HMCN2: variants seen among roughly 807,000 people sequenced by gnomAD.
HMCN2 encodes the protein hemicentin 2, also known as hemicentin-2.
A neutral mutation model predicts 377.5 loss-of-function variants in HMCN2; 325 were observed. The ratio of observed to expected loss-of-function variants is 0.86; its 90% CI spans 0.79 to 0.94. The LOEUF is 0.94. HMCN2 is among the 40% of genes least tolerant of loss of function. The pLI, the probability that HMCN2 is intolerant of heterozygous loss-of-function variation, is 0.00. For synonymous variants in HMCN2, 2,007 were observed against 2,046.8 expected, an observed-to-expected ratio of 0.98 and a Z score of 0.53; for missense variants, 4,543 against 4,725.3, an observed-to-expected ratio of 0.96 and a Z score of 1.13.
chr9:130,377,388 C>T (rs1204400168), intron 52 of HMCN2, among the ~76,000 whole-genome samples: 1 of 152,330 alleles, frequency 6.6e-6, no homozygotes, highest in Middle Eastern at 3.4e-3. Flanking sequence ...TCCGGGATTA[C>T]AGGCCTGGCC....
rs905122847 is a variant in HMCN2 at position 130,361,604 on chromosome 9, C to T, written c.5951-404C>T. 3.3e-5 allele frequency among the ~76,000 whole-genome samples: 5 copies of T among 152,192 alleles called. No homozygotes were observed. The highest frequency in any genetic ancestry group is 1.2e-4 in the African/African-American group (5 of 41,430). On this transcript the variant is annotated intron_variant, in intron 38 of 97. Coordinates refer to ENST00000683500, the MANE Select transcript of HMCN2 (RefSeq NM_001291815.2). The surrounding 1 kb of genome is among the most constrained non-coding windows in gnomAD (Gnocchi z 4.8). ...TACAATGGAATCTTCTGGCTATTTT[C>T]TGCCAAAAGGGGACTGCCTGTAATA...
At chr9:130,332,174 T>G (rs1192043263) in intron 22 of HMCN2, among the ~76,000 whole-genome samples, 1 of 152,228 alleles carries the variant, frequency 6.6e-6, no homozygotes, top group East Asian at 1.9e-4. Context: ...AAAGCCCTTG[T>G]TGGTTTCTGG....
intron 24 of HMCN2, among the ~76,000 whole-genome samples, 190 bp from the exon 25 acceptor site, chr9:130,342,160 C>G (rs1179979951): frequency 6.6e-6 from 1 of 152,186 alleles, no homozygotes; most frequent in Non-Finnish European, 1.5e-5. Context: ...GCCCTGGTGG[C>G]TGCACCATGG....
Position 130,397,671 on chromosome 9 carries a change from A to G in HMCN2, c.11326+16A>G. On this transcript the variant is annotated intron_variant, in intron 74 of 97. Transcript: ENST00000683500. Reference sequence around the variant, plus strand: ...CGGGTCTTGGGTAGGTGGCCTGGGGAAGGCCTTCAGTGTCCAGTCCCTGTC... The same window carrying G: ...CGGGTCTTGGGTAGGTGGCCTGGGGGAGGCCTTCAGTGTCCAGTCCCTGTC... 7.8e-7 allele frequency: 1 copy of G among 1,289,546 alleles called. No homozygotes were observed. Among genetic ancestry groups the G allele is most frequent in the Non-Finnish European group, 1.0e-6 (1 of 988,766 alleles). The allele number at this position is 1,289,546 out of a possible 1,614,324, so 79.9% of individuals were successfully genotyped here. A position where few individuals can be genotyped will look rare whatever the true frequency, so the allele number is the denominator to read the frequency against.
chr9:130,427,064 T>C (rs1409015869), intron 90 of HMCN2, among the ~76,000 whole-genome samples: 1 of 152,238 alleles, frequency 6.6e-6, no homozygotes. Context: ...ATGGTTTTCC[T>C]GGGGCTGCCT....
intron 92 of HMCN2, 42 bp downstream of exon 92, chr9:130,427,661 G>T: frequency 6.5e-7 from 1 of 1,530,680 alleles, no homozygotes; most frequent in Non-Finnish European, 8.8e-7. Context: ...GCGCTCCTCA[G>T]ACCTGACCCA....
intron 1 of HMCN2, among the ~76,000 whole-genome samples, chr9:130,267,142 C>G (rs1834150470): frequency 6.6e-6 from 1 of 151,862 alleles, no homozygotes; most frequent in Non-Finnish European, 1.5e-5. Flanking sequence ...CATGGAGTCT[C>G]TCTGTATTGC....
chr9:130,429,870 G>A (rs566423576), intron 94 of HMCN2, 185 bp downstream of exon 94: 11 of 1,181,092 alleles, frequency 9.3e-6, no homozygotes, highest in Middle Eastern at 2.9e-4. Flanking sequence ...AACAGCAGCC[G>A]ACACTTTGCA....
chr9:130,393,804 G>T lies in HMCN2; in HGVS notation c.10297G>T (p.Val3433Leu). The change falls in exon 68 of 98, where the codon GTG (valine) becomes TTG (leucine). Residue 3433 changes from valine to leucine, a missense_variant. Transcript: ENST00000683500. The surrounding 1 kb of genome is among the most constrained non-coding windows in gnomAD (Gnocchi z 5.2). ...NDVVVVRGSL[V>L]ELPCEARGVP... ...CGTGGTGGTGGTTCGTGGCTCCCTGGTGGAACTCCCGTGCGAGGCCCGGGG... is the reference window on the plus strand; with the variant it reads ...CGTGGTGGTGGTTCGTGGCTCCCTGTTGGAACTCCCGTGCGAGGCCCGGGG... 1 of 1,286,940 alleles carries T rather than the reference G, an allele frequency of 7.8e-7. No individual in the cohort carries two copies. The highest frequency in any genetic ancestry group is 1.0e-6 in the Non-Finnish European group (1 of 987,532). 79.7% of individuals were successfully genotyped at this position (1,286,940 alleles called of 1,614,324 possible).
chr9:130,370,185 G>A (rs1840939515), intron 45 of HMCN2, among the ~76,000 whole-genome samples: 1 of 152,114 alleles, frequency 6.6e-6, no homozygotes, highest in Non-Finnish European at 1.5e-5. Context: ...AGAATTCAGG[G>A]GCTTGTGAGA....
chr9:130,284,781 C>T (rs1835329749), intron 2 of HMCN2, 108 bp downstream of exon 2: 1 of 443,794 alleles, frequency 2.3e-6, no homozygotes. Context: ...TCCACCTCTC[C>T]CTCCTCCTGG....
intron 8 of HMCN2, 98 bp downstream of exon 8, chr9:130,299,386 A>G: frequency 5.5e-6 from 2 of 364,714 alleles, no homozygotes; most frequent in South Asian, 4.2e-5. Flanking sequence ...AAATTAGATT[A>G]GAAAGTGTTT....
At chr9:130,342,620 G>T (rs1839119372) in intron 25 of HMCN2, among the ~76,000 whole-genome samples, 184 bp downstream of exon 25, 2 of 152,278 alleles carry the variant, frequency 1.3e-5, no homozygotes, top group East Asian at 3.9e-4. Context: ...TGCCCCTTTT[G>T]ATTAGGGGCA....
In HMCN2 at chr9:130,303,428, G is replaced by A. The variant is rs1318996064; in HGVS notation, c.1422-59G>A. ...GCAGGATTCAGGGGACTGAAGTCGG[G>A]GGGGACCCTGAGTGGGGGTCAGTGT... On this transcript the variant is annotated intron_variant, in intron 9 of 97. Coordinates refer to ENST00000683500, the MANE Select transcript of HMCN2 (RefSeq NM_001291815.2). This position sits in a 1 kb window ranked among gnomAD's most constrained non-coding sequence, Gnocchi z 5.2. The A allele has an allele frequency of 3.7e-5, 14 of 378,782 alleles. No individual in the cohort carries two copies. The Admixed American group carries it at 3.8e-4, about 10-fold the overall frequency. The allele number at this position is 378,782 out of a possible 1,614,324, so 23.5% of individuals were successfully genotyped here.
At chr9:130,295,383 C>T (rs1215498868) in intron 5 of HMCN2, among the ~76,000 whole-genome samples, 1 of 152,060 alleles carries the variant, frequency 6.6e-6, no homozygotes, top group African/African-American at 2.4e-5. Context: ...TCAAGGTCAA[C>T]AGAGTCAGGG....
chr9:130,375,868 C>T lies in HMCN2; in HGVS notation c.7805-8C>T, dbSNP rs767294773. 2.0e-6 allele frequency: 2 copies of T among 985,778 alleles called. No individual in the cohort carries two copies. Among genetic ancestry groups the T allele is most frequent in the Non-Finnish European group, 2.4e-6 (2 of 829,908 alleles). The allele number at this position is 985,778 out of a possible 1,614,324, so 61.1% of individuals were successfully genotyped here. ...TTGGGGTGACCCTGGCCACTGGCCC[C>T]CACACAGGTACCCACGGGCTGCAGA... On this transcript the variant is annotated splice_region_variant and splice_polypyrimidine_tract_variant and intron_variant, in intron 50 of 97. Transcript: ENST00000683500.
chr9:130,378,203 T>G (rs1696388086), intron 53 of HMCN2, among the ~76,000 whole-genome samples: 1 of 151,538 alleles, frequency 6.6e-6, no homozygotes, highest in Non-Finnish European at 1.5e-5. Context: ...CTCATTATAT[T>G]CTTCTCTTGC....
rs1836093990 is a variant in HMCN2 at position 130,295,694 on chromosome 9, C to G, written c.813C>G (p.Leu271=). Residue 271 remains leucine (L), a synonymous_variant, in exon 6 of 98, where the codon CTC becomes CTG. Transcript: ENST00000683500. ...LGRILQEDEG[L]NVLLNIPDSA... Reference sequence around the variant, plus strand: ...GGATCCTGCAGGAGGACGAGGGCCTCAACGTGCTTCTCAACATCCCTGACT... The same window carrying G: ...GGATCCTGCAGGAGGACGAGGGCCTGAACGTGCTTCTCAACATCCCTGACT... The G allele has an allele frequency of 2.1e-6, 1 of 470,988 alleles. No individual in the cohort carries two copies. Among genetic ancestry groups the G allele is most frequent in the Non-Finnish European group, 4.4e-6 (1 of 227,032 alleles). The allele number at this position is 470,988 out of a possible 1,614,324, so 29.2% of individuals were successfully genotyped here. A position where few individuals can be genotyped will look rare whatever the true frequency, so the allele number is the denominator to read the frequency against.
chr9:130,429,532 C>A (rs1423067974), intron 93 of HMCN2, 25 bp from the exon 94 acceptor site: 1 of 1,550,068 alleles, frequency 6.5e-7, no homozygotes. Flanking sequence ...ACCTCCCCAC[C>A]ACCGACCATG....
Sources: allele counts gnomAD v4.1 joint callset (sites outside exome capture counted in the v4.1 genomes callset), GRCh38; gene constraint gnomAD v4.1.1; non-coding constraint Gnocchi (gnomAD v3.1); transcripts MANE v1.5; gene names NCBI Gene and HGNC (gene_info 2026-07-23, HGNC 2026-07-21).